The following CCDC171 variants were observed in gnomAD, a reference collection of about 807,000 sequenced individuals.
CCDC171 encodes the protein coiled-coil domain containing 171, also known as coiled-coil domain-containing protein 171.
A neutral mutation model predicts 168.2 loss-of-function variants in CCDC171; 177 were observed. That is an observed-to-expected ratio of 1.05 (90% CI 0.93 to 1.19). The LOEUF (loss-of-function observed/expected upper bound fraction) is 1.19. Ranked by LOEUF, CCDC171 falls within the 50% of genes most tolerant of loss-of-function variation. The probability of loss-of-function intolerance (pLI) is 0.00; values close to 1 mark genes in which losing one functional copy is unlikely to be tolerated. For synonymous variants in CCDC171, 687 were observed against 540.8 expected, an observed-to-expected ratio of 1.27 and a Z score of -3.75; for missense variants, 1,991 against 1,539.0, an observed-to-expected ratio of 1.29 and a Z score of -4.91.
chr9:16,079,118 G>T, the CCDC171 span, among the ~76,000 whole-genome samples: 2 of 152,202 alleles, frequency 1.3e-5, no homozygotes, highest in Non-Finnish European at 2.9e-5. Context: ...ATTGAATGGT[G>T]GGAGTCCTGA....
intron 6 of CCDC171, among the ~76,000 whole-genome samples, chr9:16,030,528 G>C (rs1405776472): frequency 2.6e-5 from 4 of 152,148 alleles, no homozygotes; most frequent in African/African-American, 7.2e-5. Flanking sequence ...TTTAAAGTGG[G>C]TTTAGATTGA....
At chr9:15,618,305 C>G (rs1007161637) in intron 6 of CCDC171, among the ~76,000 whole-genome samples, 3 of 152,302 alleles carry the variant, frequency 2.0e-5, no homozygotes, top group African/African-American at 4.8e-5. Flanking sequence ...ACCTCCCAGT[C>G]TCCTTAGCAC....
intron 15 of CCDC171, 58 bp from the exon 16 acceptor site, chr9:15,729,552 T>C: frequency 3.6e-6 from 4 of 1,120,792 alleles, no homozygotes; most frequent in Non-Finnish European, 3.8e-6. Context: ...TTGGGGGAGA[T>C]GACACAAAGA....
intron 11 of CCDC171, among the ~76,000 whole-genome samples, chr9:15,707,395 G>C (rs926170383): frequency 2.0e-5 from 3 of 152,176 alleles, no homozygotes; most frequent in African/African-American, 7.2e-5. Context: ...GTTACGATTT[G>C]ATAACAATAG....
At chr9:16,058,484 A>G (rs1290551350) in intron 1 of CCDC171, among the ~76,000 whole-genome samples, 1 of 152,206 alleles carries the variant, frequency 6.6e-6, no homozygotes, top group Non-Finnish European at 1.5e-5. Flanking sequence ...GAGCATGAAG[A>G]TTCTCCACAC....
intron 23 of CCDC171, among the ~76,000 whole-genome samples, chr9:15,873,596 T>A (rs1354516358): frequency 6.6e-6 from 1 of 152,090 alleles, no homozygotes; most frequent in South Asian, 2.1e-4. Flanking sequence ...TATTGAAAAC[T>A]CCTATTATTA....
intron 4 of CCDC171, 104 bp from the exon 5 acceptor site, chr9:15,591,262 C>T (rs2041988252): frequency 1.5e-6 from 1 of 673,302 alleles, no homozygotes. Flanking sequence ...ATGTTTTATC[C>T]TAAGATCATG....
intron 3 of CCDC171, among the ~76,000 whole-genome samples, chr9:15,994,466 T>A (rs922430514): frequency 1.3e-5 from 2 of 152,084 alleles, no homozygotes; most frequent in Non-Finnish European, 2.9e-5. Context: ...GGATAGCATT[T>A]GGAGATATAC....
chr9:15,638,418 T>G (rs1410397101), intron 7 of CCDC171, among the ~76,000 whole-genome samples: 1 of 152,098 alleles, frequency 6.6e-6, no homozygotes, highest in Non-Finnish European at 1.5e-5. Flanking sequence ...CCAGTAATAC[T>G]AGGTACTTAA....
chr9:15,889,682 C>T (rs1365332374), intron 24 of CCDC171, among the ~76,000 whole-genome samples: 1 of 152,168 alleles, frequency 6.6e-6, no homozygotes, highest in African/African-American at 2.4e-5. Context: ...TTTTGGGCCC[C>T]TCCCACTTTA....
intron 21 of CCDC171, among the ~76,000 whole-genome samples, chr9:15,833,496 G>T (rs1433772623): frequency 6.6e-6 from 1 of 152,116 alleles, no homozygotes; most frequent in East Asian, 1.9e-4. Flanking sequence ...TGTTGAATAA[G>T]TCTTTCATTT....
chr9:16,035,827 A>T (rs532775307), intron 7 of CCDC171, among the ~76,000 whole-genome samples: 61 of 152,316 alleles, frequency 4.0e-4, no homozygotes, highest in African/African-American at 1.4e-3. Context: ...TGTTGTGTGG[A>T]AGAGTAACTT....
At chr9:15,792,954 A>T (rs2135631526) in intron 21 of CCDC171, among the ~76,000 whole-genome samples, 1 of 152,336 alleles carries the variant, frequency 6.6e-6, no homozygotes, top group African/African-American at 2.4e-5. Context: ...TAATGACAGG[A>T]ACAAATTCAC....
rs2059789159 is a variant in CCDC171 at position 15,821,924 on chromosome 9, CT to C, written c.3268-24776del. Among the ~76,000 whole-genome samples, 3 of 49,036 alleles carry C rather than the reference CT, an allele frequency of 6.1e-5. 1 individual carries two copies. The highest frequency in any genetic ancestry group is 1.5e-4 in the Non-Finnish European group (3 of 19,532). 32.2% of individuals were successfully genotyped at this position (49,036 alleles called of 152,430 possible). ...AAGCTGGAGGCATCACGCTACCTGA[CT>C]TCAAACTATACAACAAGGCTACAGT... On this transcript the variant is annotated intron_variant, in intron 21 of 25. Transcript: ENST00000380701.
the CCDC171 span, among the ~76,000 whole-genome samples, chr9:16,098,362 G>GTCA: frequency 1.5e-3 from 228 of 152,232 alleles, 1 homozygote; most frequent in Non-Finnish European, 2.2e-3. Context: ...TGTCGTCGTC[G>GTCA]TCATCATCAT....
chr9:15,958,120 A>G (rs942440723), intron 25 of CCDC171, among the ~76,000 whole-genome samples: 1 of 151,354 alleles, frequency 6.6e-6, no homozygotes, highest in African/African-American at 2.4e-5. Context: ...TCATCCATTC[A>G]TTCATTCATT....
At chr9:15,946,654 G>T (rs1365702672) in intron 25 of CCDC171, among the ~76,000 whole-genome samples, 2 of 151,982 alleles carry the variant, frequency 1.3e-5, no homozygotes, top group African/African-American at 4.8e-5. Flanking sequence ...TTTCTTCACA[G>T]AATTGGAAAA....
At position 15,721,929 on chromosome 9, in the gene CCDC171, C is replaced by G. The variant is rs568896670; in HGVS notation, c.1425+54C>G. 3,582 of 835,746 alleles carry G rather than the reference C, an allele frequency of 4.3e-3. 15 individuals carry two copies. Among genetic ancestry groups the G allele is most frequent in the Non-Finnish European group, 5.6e-3 (3,245 of 576,656 alleles). 51.8% of individuals were successfully genotyped at this position (835,746 alleles called of 1,614,324 possible). ...ATATAGCCTTCGGCCTGTACCAGTA[C>G]GTATTCCTTGCTTGTTACAAAGGTC... On this transcript the variant is annotated intron_variant, in intron 12 of 25. Transcript: ENST00000380701.
At chr9:15,925,680 A>T (rs542755092) in intron 25 of CCDC171, among the ~76,000 whole-genome samples, 3 of 151,652 alleles carry the variant, frequency 2.0e-5, no homozygotes, top group African/African-American at 7.2e-5. Flanking sequence ...TCATTTACTG[A>T]TAAAGAAAAC....
Sources: gnomAD v4.1 joint callset for allele counts (sites outside exome capture counted in the v4.1 genomes callset) on GRCh38, gnomAD v4.1.1 for gene constraint, MANE v1.5 for transcripts, NCBI Gene and HGNC (gene_info 2026-07-23, HGNC 2026-07-21) for gene names.